PAK5: variants seen among roughly 807,000 people sequenced by gnomAD.
The protein encoded by PAK5 is p21 (RAC1) activated kinase 5, also known as serine/threonine-protein kinase PAK 5.
A neutral mutation model predicts 65.9 loss-of-function variants in PAK5; 16 were observed. The observed-to-expected ratio is 0.24, with a 90% CI of 0.16 to 0.37. The LOEUF is 0.37. PAK5 is among the 10% of genes least tolerant of loss of function. The pLI is 1.00. For missense variants in PAK5, 785 were observed against 903.9 expected, an observed-to-expected ratio of 0.87 and a Z score of 1.69; for synonymous variants, 371 against 354.9, an observed-to-expected ratio of 1.05 and a Z score of -0.51.
At chr20:9,567,350 G>A (rs1197176341) in intron 4 of PAK5, among the ~76,000 whole-genome samples, 1 of 152,072 alleles carries the variant, frequency 6.6e-6, no homozygotes, top group Non-Finnish European at 1.5e-5. Flanking sequence ...AAATGGAATG[G>A]CATTAACTTA....
intron 1 of PAK5, among the ~76,000 whole-genome samples, chr20:9,734,452 C>T (rs2048366833): frequency 6.6e-6 from 1 of 151,826 alleles, no homozygotes; most frequent in African/African-American, 2.4e-5. Flanking sequence ...ACAGAAATGA[C>T]ATTAGGGAAT....
At chr20:9,539,782 T>C (rs1267010104) in intron 9 of PAK5, among the ~76,000 whole-genome samples, 165 bp from the exon 10 acceptor site, 2 of 152,250 alleles carry the variant, frequency 1.3e-5, no homozygotes, top group East Asian at 3.8e-4. Context: ...TGTTAACATT[T>C]CGTGTTTTCC....
At chr20:9,665,711 C>T (rs1216503304) in intron 2 of PAK5, among the ~76,000 whole-genome samples, 1 of 151,302 alleles carries the variant, frequency 6.6e-6, no homozygotes, top group Non-Finnish European at 1.5e-5. Flanking sequence ...AAAAGCTGAC[C>T]TTGAACTTCT....
At chr20:9,828,641 CATT>C (rs1978467784) in intron 1 of PAK5, among the ~76,000 whole-genome samples, 1 of 152,104 alleles carries the variant, frequency 6.6e-6, no homozygotes, top group African/African-American at 2.4e-5. Context: ...GCTAAAAAAT[CATT>C]ATTATACAAA....
At chr20:9,816,081 G>T (rs1330471466) in intron 1 of PAK5, among the ~76,000 whole-genome samples, 3 of 152,116 alleles carry the variant, frequency 2.0e-5, no homozygotes, top group African/African-American at 4.8e-5. Flanking sequence ...CAGTACTTCA[G>T]GGTTATGAGG....
At chr20:9,766,286 G>GAATATATATATATTCTACTTA (rs2048758438) in intron 1 of PAK5, among the ~76,000 whole-genome samples, 1 of 143,878 alleles carries the variant, frequency 7.0e-6, no homozygotes, top group Non-Finnish European at 1.5e-5. Flanking sequence ...TATTCTAATT[G>GAATATATATATATTCTACTTA]AATATATATA....
intron 2 of PAK5, among the ~76,000 whole-genome samples, chr20:9,650,905 T>A (rs985966246): frequency 2.0e-5 from 3 of 152,206 alleles, no homozygotes; most frequent in Non-Finnish European, 4.4e-5. Flanking sequence ...ATAACTATTT[T>A]AAAAATATTT....
chr20:9,672,060 A>C (rs747874614), intron 2 of PAK5, among the ~76,000 whole-genome samples: 2 of 152,106 alleles, frequency 1.3e-5, no homozygotes, highest in Non-Finnish European at 2.9e-5. Flanking sequence ...AAGAAGAGAG[A>C]TAATCAGCGA....
chr20:9,745,259 T>C (rs1257452847), intron 1 of PAK5, among the ~76,000 whole-genome samples: 1 of 152,094 alleles, frequency 6.6e-6, no homozygotes, highest in Non-Finnish European at 1.5e-5. Context: ...CTGAAAATGG[T>C]GCATTTATCT....
chr20:9,732,486 C>G (rs2123557547), intron 1 of PAK5, among the ~76,000 whole-genome samples: 1 of 152,298 alleles, frequency 6.6e-6, no homozygotes, highest in East Asian at 1.9e-4. Context: ...TTCCAGTACT[C>G]AAGACATTGT....
chr20:9,743,420 CA>C (rs2048472326), intron 1 of PAK5, among the ~76,000 whole-genome samples: 1 of 150,474 alleles, frequency 6.6e-6, no homozygotes, highest in African/African-American at 2.5e-5. Flanking sequence ...CAAAACAAAA[CA>C]AAACAAACAA....
chr20:9,633,021 A>G (rs1171123477), intron 3 of PAK5, among the ~76,000 whole-genome samples: 1 of 152,166 alleles, frequency 6.6e-6, no homozygotes, highest in Non-Finnish European at 1.5e-5. Context: ...TCTAATTGAA[A>G]AGGCTGGTAT....
intron 4 of PAK5, among the ~76,000 whole-genome samples, chr20:9,570,323 T>C (rs1029927759): frequency 5.3e-5 from 8 of 152,346 alleles, no homozygotes; most frequent in African/African-American, 1.9e-4. Context: ...GTGGTATATA[T>C]ATTCCTATAT....
intron 3 of PAK5, among the ~76,000 whole-genome samples, chr20:9,620,728 T>C (rs943709998): frequency 2.6e-5 from 4 of 151,468 alleles, no homozygotes; most frequent in Non-Finnish European, 5.9e-5. Flanking sequence ...GCCCTGGAGG[T>C]TGGGAGAGTC....
intron 1 of PAK5, among the ~76,000 whole-genome samples, chr20:9,825,263 C>A (rs1339027689): frequency 6.6e-6 from 1 of 152,152 alleles, no homozygotes; most frequent in Non-Finnish European, 1.5e-5. Context: ...CTATCCCAAG[C>A]AAATAAAAAC....
chr20:9,734,089 T>C (rs1186296598), intron 1 of PAK5, among the ~76,000 whole-genome samples: 5 of 152,184 alleles, frequency 3.3e-5, no homozygotes, highest in African/African-American at 1.2e-4. Context: ...TTCTGTTAGA[T>C]TTCCTGTGGT....
rs754435525 is a variant in PAK5, at chr20:9,665,085, G to GTTTTTTTTTTTTTTTTTTTTTTTTT, written c.-11-20747_-11-20746insAAAAAAAAAAAAAAAAAAAAAAAAA. Among the ~76,000 whole-genome samples, 7 of 98,892 alleles carry GTTTTTTTTTTTTTTTTTTTTTTTTT rather than the reference G, an allele frequency of 7.1e-5. 1 individual carries two copies. The highest frequency in any genetic ancestry group is 2.8e-4 in the African/African-American group (7 of 24,618). The allele number at this position is 98,892 out of a possible 152,430, so 64.9% of individuals were successfully genotyped here. A position where few individuals can be genotyped will look rare whatever the true frequency, so the allele number is the denominator to read the frequency against. On this transcript the variant is annotated intron_variant, in intron 2 of 9. Coordinates refer to ENST00000353224, the MANE Select transcript of PAK5 (RefSeq NM_177990.4). ...CCACCATGCCCAGCTAAATTTTTCT[G>GTTTTTTTTTTTTTTTTTTTTTTTTT]TTTTTTTTTTTTTTTGTAGTGATGA...
intron 3 of PAK5, among the ~76,000 whole-genome samples, chr20:9,591,709 A>G (rs1021548683): frequency 2.0e-5 from 3 of 151,952 alleles, no homozygotes; most frequent in African/African-American, 7.2e-5. Flanking sequence ...TATGCTCTAA[A>G]TATTGCTAAT....
chr20:9,607,914 G>T (rs773956635), intron 3 of PAK5, among the ~76,000 whole-genome samples: 1 of 152,188 alleles, frequency 6.6e-6, no homozygotes, highest in Non-Finnish European at 1.5e-5. Flanking sequence ...TGCTTTAACA[G>T]AATGTCACAG....
Sources: gnomAD v4.1 joint callset for allele counts (sites outside exome capture counted in the v4.1 genomes callset) on GRCh38, gnomAD v4.1.1 for gene constraint, MANE v1.5 for transcripts, NCBI Gene and HGNC (gene_info 2026-07-23, HGNC 2026-07-21) for gene names.